FKBP5: variants seen among roughly 807,000 people sequenced by gnomAD.
The protein encoded by FKBP5 is peptidyl-prolyl cis-trans isomerase FKBP5.
In FKBP5, 23 loss-of-function variants were observed where a neutral mutation model predicts 50.5. The observed-to-expected ratio is 0.46, with a 90% confidence interval of 0.33 to 0.65. The LOEUF (loss-of-function observed/expected upper bound fraction) is 0.65. Ranked by LOEUF, FKBP5 falls within the 30% of genes least tolerant of loss-of-function variation. The pLI, the probability that FKBP5 is intolerant of heterozygous loss-of-function variation, is 0.02. For synonymous variants in FKBP5, 176 were observed against 190.6 expected (o/e 0.92, Z 0.63); for missense variants, 411 against 553.1 (o/e 0.74, Z 2.58).
chr6:35,652,774 G>A (rs1412457782), intron 1 of FKBP5, among the ~76,000 whole-genome samples: 2 of 152,082 alleles, frequency 1.3e-5, no homozygotes, highest in African/African-American at 2.4e-5. Flanking sequence ...AGTACTTGAC[G>A]TCTGTCACCC....
intron 1 of FKBP5, among the ~76,000 whole-genome samples, chr6:35,679,378 G>A (rs1241694938): frequency 1.3e-5 from 2 of 152,106 alleles, no homozygotes; most frequent in Non-Finnish European, 2.9e-5. Context: ...AAACACCATA[G>A]TGAAATGGAC....
At chr6:35,711,276 C>CACTGCACT (rs980995349) in intron 2 of FKBP5, among the ~76,000 whole-genome samples, 1 of 151,064 alleles carries the variant, frequency 6.6e-6, no homozygotes, top group Non-Finnish European at 1.5e-5. Context: ...ATGATCTCGC[C>CACTGCACT]ACTGCACTCC....
intron 1 of FKBP5, among the ~76,000 whole-genome samples, chr6:35,678,536 A>T (rs1765584416): frequency 6.6e-6 from 1 of 152,222 alleles, no homozygotes; most frequent in African/African-American, 2.4e-5. Flanking sequence ...GGAGTACTTA[A>T]ACTAATTTAT....
intron 5 of FKBP5, among the ~76,000 whole-genome samples, chr6:35,599,472 C>T (rs1763080180): frequency 6.6e-6 from 1 of 152,098 alleles, no homozygotes; most frequent in African/African-American, 2.4e-5. Context: ...AGCGTTCTAC[C>T]CTTTTCTTCT....
intron 3 of FKBP5, among the ~76,000 whole-genome samples, chr6:35,620,800 A>G (rs751317495): frequency 2.6e-5 from 4 of 152,214 alleles, no homozygotes; most frequent in Non-Finnish European, 5.9e-5. Flanking sequence ...ATAAATTCCT[A>G]AACTACTCAA....
intron 1 of FKBP5, among the ~76,000 whole-genome samples, chr6:35,668,470 TTAAG>T (rs1206435163): frequency 1.3e-5 from 2 of 152,332 alleles, no homozygotes; most frequent in African/African-American, 2.4e-5. Flanking sequence ...TTGATTATAA[TTAAG>T]TGACATGTAA....
intron 8 of FKBP5, chr6:35,581,016 T>C: frequency 1.0e-6 from 1 of 982,634 alleles, no homozygotes; most frequent in South Asian, 4.7e-5. Flanking sequence ...TACTAAATTC[T>C]TATCATTTGT....
intron 4 of FKBP5, among the ~76,000 whole-genome samples, chr6:35,619,842 A>T (rs1302131543): frequency 6.6e-6 from 1 of 152,190 alleles, no homozygotes; most frequent in Non-Finnish European, 1.5e-5. Flanking sequence ...ACTCTGGTCA[A>T]TTTTGAGTAT....
At chr6:35,635,342 T>C (rs7760951) in intron 3 of FKBP5, among the ~76,000 whole-genome samples, 128,686 of 152,024 alleles carry the variant, frequency 0.85, 54,613 homozygotes, top group African/African-American at 0.9. Context: ...CATGGTGGCA[T>C]GCACCTGTAT....
chr6:35,635,026 C>CAA (rs35794477), intron 3 of FKBP5, among the ~76,000 whole-genome samples: 33 of 75,102 alleles, frequency 4.4e-4, no homozygotes, highest in Admixed American at 7.5e-4. Flanking sequence ...CCTGTCTCTA[C>CAA]AAAAAAAAAA....
chr6:35,724,379 C>A (rs1766663784), intron 1 of FKBP5, among the ~76,000 whole-genome samples: 1 of 152,092 alleles, frequency 6.6e-6, no homozygotes, highest in Non-Finnish European at 1.5e-5. Flanking sequence ...TCCTCTGGGG[C>A]CTTGCTAGTA....
At chr6:35,622,578 G>A (rs1173282074) in intron 3 of FKBP5, among the ~76,000 whole-genome samples, 1 of 151,870 alleles carries the variant, frequency 6.6e-6, no homozygotes, top group Non-Finnish European at 1.5e-5. Flanking sequence ...GATGGAAAGT[G>A]AAAGCTGAAA....
In FKBP5 at chr6:35,625,465, A is replaced by G. The variant is rs182475388; in HGVS notation, c.251-5191T>C. 4.3e-3 allele frequency among the ~76,000 whole-genome samples: 658 copies of G among 151,698 alleles called. 4 individuals carry two copies. Among genetic ancestry groups the G allele is most frequent in the African/African-American group, 0.015 (608 of 41,472 alleles). The stretch of plus-strand genomic sequence containing the variant: ...ACATACACCAAGAATAGGCCGGTGC[A>G]GTGGCTCACGCCTGTAATCTCAGCA... On this transcript the variant is annotated intron_variant, in intron 3 of 10. Coordinates refer to ENST00000357266, the MANE Select transcript of FKBP5 (RefSeq NM_004117.4).
chr6:35,664,204 A>C (rs1229417599), intron 1 of FKBP5, among the ~76,000 whole-genome samples: 1 of 152,268 alleles, frequency 6.6e-6, no homozygotes, highest in Non-Finnish European at 1.5e-5. Flanking sequence ...TGTATTAGCC[A>C]AGTTTTAAAA....
At chr6:35,704,707 T>A (rs1295064367) in intron 2 of FKBP5, among the ~76,000 whole-genome samples, 1 of 101,190 alleles carries the variant, frequency 9.9e-6, no homozygotes, top group Non-Finnish European at 1.9e-5. Context: ...AATGACAATA[T>A]GATTTTTTTT....
intron 4 of FKBP5, 123 bp downstream of exon 4, chr6:35,619,999 CCATGCTCCAA>C (rs1763782674): frequency 2.7e-6 from 3 of 1,098,338 alleles, no homozygotes; most frequent in South Asian, 3.0e-5. Flanking sequence ...ATTCAAGAAG[CCATGCTCCAA>C]AATAAGTAAG....
Position 35,620,026 on chromosome 6 carries a change from C to T in FKBP5, c.393+106G>A, listed in dbSNP as rs1456693396. 3 of 1,371,826 alleles carry T rather than the reference C, an allele frequency of 2.2e-6. No homozygotes were observed. The African/African-American group carries it at 4.3e-5, about 20-fold the overall frequency. 85.0% of individuals were successfully genotyped at this position (1,371,826 alleles called of 1,614,324 possible). A position where few individuals can be genotyped will look rare whatever the true frequency, so the allele number is the denominator to read the frequency against. ...ATGCTCCAAAATAAGTAAGTTGGATCTGATTCTCTATAGCAAGCTTAGCTC... is the reference window on the plus strand; with the variant it reads ...ATGCTCCAAAATAAGTAAGTTGGATTTGATTCTCTATAGCAAGCTTAGCTC... On this transcript the variant is annotated intron_variant, in intron 4 of 10. Transcript: ENST00000357266.
intron 1 of FKBP5, among the ~76,000 whole-genome samples, chr6:35,668,086 A>G (rs1028619519): frequency 2.6e-5 from 4 of 152,278 alleles, no homozygotes; most frequent in African/African-American, 9.6e-5. Context: ...TAATTTTTCT[A>G]CAACGAGTGT....
At chr6:35,720,384 G>A (rs1766591531) in exon 2 of FKBP5, 1 of 152,506 alleles carries the variant, frequency 6.6e-6, no homozygotes, top group Non-Finnish European at 1.5e-5. Flanking sequence ...GGGGGTCGGA[G>A]AGTCTAGCCT....
Sources: allele counts gnomAD v4.1 joint callset (sites outside exome capture counted in the v4.1 genomes callset), GRCh38; gene constraint gnomAD v4.1.1; transcripts MANE v1.5; gene names NCBI Gene and HGNC (gene_info 2026-07-23, HGNC 2026-07-21).